MAN2A2: variants seen among roughly 807,000 people sequenced by gnomAD.
The protein encoded by MAN2A2 is alpha-mannosidase 2x.
In MAN2A2, 79 loss-of-function variants were observed where a neutral mutation model predicts 126.8. The ratio of observed to expected loss-of-function variants is 0.62; its 90% confidence interval spans 0.52 to 0.75. MAN2A2 has a LOEUF of 0.75. Among genes scored for constraint, MAN2A2 ranks in the 30% least tolerant of loss-of-function variants. The pLI is 0.00. For synonymous variants in MAN2A2, 671 were observed against 618.7 expected (o/e 1.08, Z -1.25); for missense variants, 1,392 against 1,522.4 (o/e 0.91, Z 1.43).
intron 5 of MAN2A2, 102 bp downstream of exon 5, chr15:90,906,118 C>T: frequency 1.3e-6 from 2 of 1,503,058 alleles, no homozygotes; most frequent in South Asian, 1.2e-5. Flanking sequence ...CAGGGAGAGG[C>T]CCAGAGAGCT....
chr15:90,916,067 G>C lies in MAN2A2; in HGVS notation c.2861-56G>C, dbSNP rs1283002944. On this transcript the variant is annotated intron_variant, in intron 19 of 22. Transcript: ENST00000559717. The stretch of plus-strand genomic sequence containing the variant: ...TGTGGCTTGGGATTCTCCTTTGAAA[G>C]GTCAGTGCCTGCTTGGGGGTGGGGG... 5 of 1,589,086 alleles carry C rather than the reference G, an allele frequency of 3.1e-6. No individual in the cohort carries two copies. In the African/African-American group the frequency reaches 6.7e-5, roughly 21 times the overall value.
In MAN2A2 at chr15:90,912,649, C is replaced by T. The variant is rs757647344; in HGVS notation, c.2454C>T (p.Pro818=). 11 of 1,614,012 alleles carry T rather than the reference C, an allele frequency of 6.8e-6. No individual in the cohort carries two copies. The highest frequency in any genetic ancestry group is 2.2e-5 in the South Asian group (2 of 91,092). Residue 818 remains proline (P), a synonymous_variant, in exon 16 of 23, where the codon CCC becomes CCT. Transcript: ENST00000559717. ...AGAGTGGAGCCTACCTCTTCCTGCCCGATGGCGAGGCCAAGGTATCCTAAA... is the reference window on the plus strand; with the variant it reads ...AGAGTGGAGCCTACCTCTTCCTGCCTGATGGCGAGGCCAAGGTATCCTAAA... ...KDKSGAYLFL[P]DGEAKPYVPK... is the part of the protein sequence containing the mutation.
intron 7 of MAN2A2, 155 bp from the exon 8 acceptor site, chr15:90,907,154 C>T (rs2034361526): frequency 7.0e-6 from 6 of 862,214 alleles, no homozygotes; most frequent in Non-Finnish European, 1.1e-5. Flanking sequence ...GGGAGCCCCT[C>T]ATGTCTTTCT....
Position 90,909,379 on chromosome 15 carries a change from A to C in MAN2A2, c.1249A>C (p.Asn417His). The C allele has an allele frequency of 1.2e-6, 2 of 1,614,064 alleles. No homozygotes were observed. Among genetic ancestry groups the C allele is most frequent in the Non-Finnish European group, 1.7e-6 (2 of 1,179,914 alleles). ...YRKKSQLFRS[N>H]VLLVPLGDDF... ...GAAGAAGTCCCAGCTGTTCCGAAGC[A>C]ACGTCCTCCTGGTGCCTCTTGGAGA... Residue 417 changes from asparagine (N) to histidine (H), a missense_variant, in exon 9 of 23, where the codon AAC becomes CAC. Asn to His is a moderately conservative substitution (Grantham distance 68). Coordinates refer to ENST00000559717, the MANE Select transcript of MAN2A2 (RefSeq NM_006122.4).
At chr15:90,911,670 A>G (rs2034756372) in intron 14 of MAN2A2, 120 bp downstream of exon 14, 2 of 1,176,916 alleles carry the variant, frequency 1.7e-6, no homozygotes, top group Non-Finnish European at 2.3e-6. Flanking sequence ...GGCTGAGGAC[A>G]AGTGTCCTGG....
Position 90,912,059 on chromosome 15 carries a change from G to T in MAN2A2, c.2126G>T (p.Arg709Leu). 1 of 1,611,066 alleles carries T rather than the reference G, an allele frequency of 6.2e-7. No homozygotes were observed. Among genetic ancestry groups the T allele is most frequent in the South Asian group, 1.1e-5 (1 of 90,996 alleles). The stretch of plus-strand genomic sequence containing the variant: ...TGCCCACAGGTGTCTGTGCCTGTCC[G>T]CCTGCCAGCCCTGGGCCTGGGCGTG... Reference protein sequence around the residue: ...PDVYQVSVPVRLPALGLGVLQ... With the variant: ...PDVYQVSVPVLLPALGLGVLQ... Residue 709 changes from arginine to leucine, a missense_variant, in exon 15 of 23, where the codon CGC becomes CTC. Transcript: ENST00000559717.
chr15:90,913,729 C>A lies in MAN2A2; in HGVS notation c.2834C>A (p.Ala945Asp). 1.9e-6 allele frequency: 3 copies of A among 1,599,354 alleles called. No homozygotes were observed. In the African/African-American group the frequency reaches 4.0e-5, roughly 21 times the overall value. Reference protein sequence around the residue: ...QKRLTLHTAQALGVSSLKDGQ... With the variant: ...QKRLTLHTAQDLGVSSLKDGQ... ...CGCCTCACGCTGCACACTGCCCAGG[C>A]CCTGGGTGTCTCTAGCCTCAAAGAT... is the stretch of plus-strand genomic sequence containing the variant. Residue 945 changes from alanine to aspartate, a missense_variant, in exon 19 of 23, where the codon GCC (alanine) becomes GAC (aspartate). Coordinates refer to ENST00000559717, the MANE Select transcript of MAN2A2 (RefSeq NM_006122.4).
At position 90,904,203 on chromosome 15, in the gene MAN2A2, C is replaced by A. The variant is rs749186537; in HGVS notation, c.-5C>A. The A allele has an allele frequency of 2.5e-6, 4 of 1,614,170 alleles. No individual in the cohort carries two copies. Among genetic ancestry groups the A allele is most frequent in the Non-Finnish European group, 3.4e-6 (4 of 1,180,026 alleles). Reference sequence around the variant, plus strand: ...CCTTCCTGCCAGGTGTGTGTGGAGGCCAGTATGAAGCTGAAAAAGCAGGTG... The same window carrying A: ...CCTTCCTGCCAGGTGTGTGTGGAGGACAGTATGAAGCTGAAAAAGCAGGTG... On this transcript the variant is annotated 5_prime_UTR_variant, in exon 2 of 23. Transcript: ENST00000559717.
intron 16 of MAN2A2, 98 bp from the exon 17 acceptor site, chr15:90,912,779 T>A: frequency 6.4e-7 from 1 of 1,557,414 alleles, no homozygotes. Context: ...AGCCCAGGGG[T>A]GTCTGGGAAT....
chr15:90,918,794 G>A (rs1206930614), intron 22 of MAN2A2, 39 bp downstream of exon 22: 3 of 1,406,334 alleles, frequency 2.1e-6, no homozygotes, highest in African/African-American at 1.4e-5. Context: ...AGGAATGGCA[G>A]GCATGAGCTT....
chr15:90,917,390 A>AG (rs772101053), intron 20 of MAN2A2, among the ~76,000 whole-genome samples: 17 of 152,178 alleles, frequency 1.1e-4, no homozygotes, highest in Non-Finnish European at 1.6e-4. Context: ...CTGAGCAAGG[A>AG]GGGACACCGT....
At chr15:90,915,883 A>G in intron 19 of MAN2A2, 2 of 479,930 alleles carry the variant, frequency 4.2e-6, no homozygotes, top group Non-Finnish European at 7.4e-6. Flanking sequence ...GTAAACTGCC[A>G]GGGCCAGCCT....
In MAN2A2 at chr15:90,911,458, G is replaced by A. The variant is rs1008998685; in HGVS notation, c.2017G>A (p.Val673Met). The A allele has an allele frequency of 1.9e-5, 30 of 1,614,080 alleles. No homozygotes were observed. Among genetic ancestry groups the A allele is most frequent in the East Asian group, 6.7e-5 (3 of 44,900 alleles). ...MVSLLVNSPR[V>M]RVLSEEGQPL... ...GTCCCTGCTGGTCAACTCTCCCCGC[G>A]TGCGTGTCCTTTCGGAGGAGGGTCA... Residue 673 changes from valine to methionine, a missense_variant, in exon 14 of 23, where the codon GTG becomes ATG. By Grantham distance (21) the Val-to-Met change is conservative. Transcript: ENST00000559717.
chr15:90,920,092 C>T lies in MAN2A2; in HGVS notation c.*305C>T. On this transcript the variant is annotated 3_prime_UTR_variant, in exon 23 of 23. Coordinates refer to ENST00000559717, the MANE Select transcript of MAN2A2 (RefSeq NM_006122.4). ...CCCAACTGGGCACAGGCTCAGGCAC[C>T]CATCCTTTTTCCAAACAGGGATATA... 3.0e-6 allele frequency: 1 copy of T among 332,334 alleles called. No homozygotes were observed. Among genetic ancestry groups the T allele is most frequent in the Non-Finnish European group, 5.6e-6 (1 of 178,558 alleles). 20.6% of individuals were successfully genotyped at this position (332,334 alleles called of 1,614,324 possible). A position where few individuals can be genotyped will look rare whatever the true frequency, so the allele number is the denominator to read the frequency against.
At chr15:90,917,433 G>T (rs1263589108) in intron 20 of MAN2A2, among the ~76,000 whole-genome samples, 2 of 152,250 alleles carry the variant, frequency 1.3e-5, no homozygotes, top group Admixed American at 1.3e-4. Flanking sequence ...CACGCTGACA[G>T]TACGGAGCAG....
chr15:90,911,962 C>T (rs1319513754), intron 14 of MAN2A2, 81 bp from the exon 15 acceptor site: 8 of 1,190,658 alleles, frequency 6.7e-6, no homozygotes, highest in African/African-American at 1.5e-5. Flanking sequence ...CTTGCTCAAG[C>T]CCTCTGTTAG....
chr15:90,921,407 TGGG>T lies in MAN2A2; in HGVS notation c.*1624_*1626del, dbSNP rs775679243. ...ACCACTCTGAACGATGATAATGAGTTGGGGGGTGGACTGCTCGGGGGTGATCCT... is the reference window on the plus strand; with the variant it reads ...ACCACTCTGAACGATGATAATGAGTTGGGTGGACTGCTCGGGGGTGATCCT... On this transcript the variant is annotated 3_prime_UTR_variant, in exon 23 of 23. Transcript: ENST00000559717. The T allele has an allele frequency of 1.3e-5, 2 of 152,164 alleles. No homozygotes were observed. The highest frequency in any genetic ancestry group is 2.9e-5 in the Non-Finnish European group (2 of 68,130). 9.4% of individuals were successfully genotyped at this position (152,164 alleles called of 1,614,324 possible). A position where few individuals can be genotyped will look rare whatever the true frequency, so the allele number is the denominator to read the frequency against.
intron 8 of MAN2A2, 36 bp from the exon 9 acceptor site, chr15:90,909,291 C>T (rs2034535751): frequency 6.3e-7 from 1 of 1,584,946 alleles, no homozygotes; most frequent in Non-Finnish European, 8.6e-7. Flanking sequence ...ACTGATGAGA[C>T]TTCGTGGTGG....
In MAN2A2 at chr15:90,920,096, C is replaced by G; in HGVS notation, c.*309C>G. 1 of 325,910 alleles carries G rather than the reference C, an allele frequency of 3.1e-6. No individual in the cohort carries two copies. The highest frequency in any genetic ancestry group is 4.6e-5 in the South Asian group (1 of 21,936). 20.2% of individuals were successfully genotyped at this position (325,910 alleles called of 1,614,324 possible). A position where few individuals can be genotyped will look rare whatever the true frequency, so the allele number is the denominator to read the frequency against. On this transcript the variant is annotated 3_prime_UTR_variant, in exon 23 of 23. Transcript: ENST00000559717. ...ACTGGGCACAGGCTCAGGCACCCAT[C>G]CTTTTTCCAAACAGGGATATAGAAG...
Sources: gnomAD v4.1 joint callset for allele counts (sites outside exome capture counted in the v4.1 genomes callset) on GRCh38, gnomAD v4.1.1 for gene constraint, MANE v1.5 for transcripts, NCBI Gene and HGNC (gene_info 2026-07-23, HGNC 2026-07-21) for gene names.